SEC11A: variants seen among roughly 807,000 people sequenced by gnomAD.
SEC11A encodes SEC11 homolog A, signal peptidase complex subunit.
A neutral mutation model predicts 25.6 loss-of-function variants in SEC11A; 14 were observed. The observed-to-expected ratio is 0.55, with a 90% confidence interval of 0.36 to 0.85. The LOEUF is 0.85. SEC11A is among the 40% of genes least tolerant of loss of function. The probability of loss-of-function intolerance (pLI) is 0.01; values close to 1 mark genes in which losing one functional copy is unlikely to be tolerated. For synonymous variants in SEC11A, 83 were observed against 76.4 expected (o/e 1.09, Z -0.45); for missense variants, 153 against 222.9 (o/e 0.69, Z 2.00).
At chr15:84,698,461 A>G (rs1897828781) in intron 1 of SEC11A, among the ~76,000 whole-genome samples, 1 of 152,228 alleles carries the variant, frequency 6.6e-6, no homozygotes, top group African/African-American at 2.4e-5. Context: ...GAAGCTAGAT[A>G]TTACAGAAGG....
chr15:84,687,892 C>T (rs1270095265), intron 2 of SEC11A, 118 bp from the exon 3 acceptor site: 2 of 772,484 alleles, frequency 2.6e-6, no homozygotes, highest in Non-Finnish European at 2.0e-6. Flanking sequence ...AATACCCTAA[C>T]AACTATATCA....
In SEC11A at chr15:84,676,566, G is replaced by C. The variant is rs201521906; in HGVS notation, c.431+4147C>G. Among the ~76,000 whole-genome samples the C allele has an allele frequency of 4.5e-4, 68 of 149,472 alleles. No individual in the cohort carries two copies. The East Asian group carries it at 0.011, about 23-fold the overall frequency. Reference sequence around the variant, plus strand: ...AGGCGGGCAGATCACCTGATGTCAGGAGTTCGAGACCGCCTGGCTAACATG... The same window carrying C: ...AGGCGGGCAGATCACCTGATGTCAGCAGTTCGAGACCGCCTGGCTAACATG... On this transcript the variant is annotated intron_variant, in intron 4 of 5. Coordinates refer to ENST00000268220, the MANE Select transcript of SEC11A (RefSeq NM_014300.4).
intron 1 of SEC11A, among the ~76,000 whole-genome samples, chr15:84,702,075 G>A (rs1379045171): frequency 1.3e-5 from 2 of 150,054 alleles, no homozygotes; most frequent in Non-Finnish European, 3.0e-5. Flanking sequence ...CAATAACAAT[G>A]ATAATAATAA....
intron 1 of SEC11A, among the ~76,000 whole-genome samples, chr15:84,711,357 G>A (rs1344537146): frequency 6.6e-6 from 1 of 151,702 alleles, no homozygotes; most frequent in Non-Finnish European, 1.5e-5. Context: ...ACTCCAGCCT[G>A]GTCAACAGAG....
At chr15:84,693,398 G>A (rs1347870508) in intron 1 of SEC11A, among the ~76,000 whole-genome samples, 2 of 149,778 alleles carry the variant, frequency 1.3e-5, no homozygotes, top group East Asian at 1.9e-4. Flanking sequence ...GTGAACTGGG[G>A]AAACTCAAAA....
At position 84,708,485 on chromosome 15, in the gene SEC11A, T is replaced by A. The variant is rs995763520; in HGVS notation, c.51+7540A>T. On this transcript the variant is annotated intron_variant, in intron 1 of 5. Transcript: ENST00000268220. ...CCTATTTGCTTCACATTTATTCCTA[T>A]TAGGTCTATATCTAAGAAAAATTTC... Among the ~76,000 whole-genome samples the A allele has an allele frequency of 2.0e-5, 3 of 152,110 alleles. No homozygotes were observed. In the East Asian group the frequency reaches 5.8e-4, roughly 29 times the overall value.
intron 1 of SEC11A, among the ~76,000 whole-genome samples, chr15:84,706,663 G>C (rs1898103054): frequency 6.6e-6 from 1 of 152,192 alleles, no homozygotes; most frequent in African/African-American, 2.4e-5. Context: ...CGTAACTTTT[G>C]TTTTATCTTT....
intron 1 of SEC11A, among the ~76,000 whole-genome samples, chr15:84,702,460 C>A (rs992285001): frequency 3.3e-5 from 5 of 150,370 alleles, no homozygotes; most frequent in African/African-American, 1.2e-4. Context: ...AAGCGAAACT[C>A]CGTCTCAAAA....
rs140626284 is a variant in SEC11A at position 84,690,105 on chromosome 15, C to T, written c.161+1430G>A. Among the ~76,000 whole-genome samples, 899 of 152,250 alleles carry T rather than the reference C, an allele frequency of 5.9e-3. 4 individuals carry two copies. Among genetic ancestry groups the T allele is most frequent in the African/African-American group, 0.02 (815 of 41,542 alleles). On this transcript the variant is annotated intron_variant, in intron 2 of 5. Coordinates refer to ENST00000268220, the MANE Select transcript of SEC11A (RefSeq NM_014300.4). Reference sequence around the variant, plus strand: ...CAACACAGTGAGATCCTATCTGCTACGGTTTGGCTGTGTCCCCACCCAAAT... The same window carrying T: ...CAACACAGTGAGATCCTATCTGCTATGGTTTGGCTGTGTCCCCACCCAAAT...
intron 3 of SEC11A, among the ~76,000 whole-genome samples, chr15:84,682,238 C>T (rs1354164504): frequency 6.6e-6 from 1 of 151,994 alleles, no homozygotes; most frequent in African/African-American, 2.4e-5. Context: ...AGGTATTAGA[C>T]AAGATCTAAA....
Position 84,689,019 on chromosome 15 carries a change from G to A in SEC11A, c.162-1245C>T, listed in dbSNP as rs1436528216. On this transcript the variant is annotated intron_variant, in intron 2 of 5. Transcript: ENST00000268220. ...CACTCCAGCCTGGGCAATACAGTGAGACTCTGTCTCAAAAAAAAAAAAAAA... is the reference window on the plus strand; with the variant it reads ...CACTCCAGCCTGGGCAATACAGTGAAACTCTGTCTCAAAAAAAAAAAAAAA... Among the ~76,000 whole-genome samples the A allele has an allele frequency of 2.2e-5, 3 of 136,178 alleles. No individual in the cohort carries two copies. The East Asian group carries it at 6.2e-4, about 28-fold the overall frequency. The allele number at this position is 136,178 out of a possible 152,430, so 89.3% of individuals were successfully genotyped here.
At chr15:84,701,936 G>A (rs1051219855) in intron 1 of SEC11A, among the ~76,000 whole-genome samples, 3 of 151,690 alleles carry the variant, frequency 2.0e-5, no homozygotes, top group South Asian at 4.2e-4. Context: ...GTGTGGTGGC[G>A]TGCGGCTGTA....
In SEC11A at chr15:84,672,458, G is replaced by A. The variant is rs35270652; in HGVS notation, c.432-1676C>T. ...GTTTTCGTATTTTTTTGGTGGAGAC[G>A]GGGTTTCGCTGTGTTGGCCGGGCTG... On this transcript the variant is annotated intron_variant, in intron 4 of 5. Coordinates refer to ENST00000268220, the MANE Select transcript of SEC11A (RefSeq NM_014300.4). 987 of 161,678 alleles carry A rather than the reference G, an allele frequency of 6.1e-3. 4 individuals are homozygous for A. Among genetic ancestry groups the A allele is most frequent in the South Asian group, 0.01 (75 of 7,490 alleles). 10.0% of individuals were successfully genotyped at this position (161,678 alleles called of 1,614,324 possible). A position where few individuals can be genotyped will look rare whatever the true frequency, so the allele number is the denominator to read the frequency against.
In SEC11A at chr15:84,670,109, G is replaced by C. The variant is rs1471201508; in HGVS notation, c.490-40C>G. 7 of 1,600,676 alleles carry C rather than the reference G, an allele frequency of 4.4e-6. No homozygotes were observed. The East Asian group carries it at 1.6e-4, about 36-fold the overall frequency. The stretch of plus-strand genomic sequence containing the variant: ...CAGAACCACAAGTCAGAGAAGCGTT[G>C]AAAAGTTCAGAGGTTCTAAGAGTTA... On this transcript the variant is annotated intron_variant, in intron 5 of 5. Transcript: ENST00000268220.
At chr15:84,694,765 C>T (rs1402137330) in intron 1 of SEC11A, among the ~76,000 whole-genome samples, 1 of 151,584 alleles carries the variant, frequency 6.6e-6, no homozygotes, top group African/African-American at 2.4e-5. Context: ...GAGTTCGAGA[C>T]CAGAAAGCAA....
At chr15:84,681,496 G>C (rs763399557) in intron 3 of SEC11A, among the ~76,000 whole-genome samples, 1 of 152,176 alleles carries the variant, frequency 6.6e-6, no homozygotes, top group African/African-American at 2.4e-5. Flanking sequence ...TGGGCATGGT[G>C]GTGGGTGCCT....
intron 1 of SEC11A, among the ~76,000 whole-genome samples, chr15:84,705,877 C>T (rs1898080028): frequency 6.6e-6 from 1 of 151,736 alleles, no homozygotes; most frequent in African/African-American, 2.4e-5. Flanking sequence ...GCTTCCCATC[C>T]TTACAACTTT....
At position 84,672,429 on chromosome 15, in the gene SEC11A, A is replaced by C. The variant is rs1367206087; in HGVS notation, c.432-1647T>G. On this transcript the variant is annotated intron_variant, in intron 4 of 5. Transcript: ENST00000268220. ...TTGCAGGCGCGCGCCGCCACGCCTGACTGGTTTTCGTATTTTTTTGGTGGA... is the reference window on the plus strand; with the variant it reads ...TTGCAGGCGCGCGCCGCCACGCCTGCCTGGTTTTCGTATTTTTTTGGTGGA... 1.9e-5 allele frequency: 3 copies of C among 160,734 alleles called. No individual in the cohort carries two copies. The East Asian group carries it at 5.6e-4, about 30-fold the overall frequency. The allele number at this position is 160,734 out of a possible 1,614,324, so 10.0% of individuals were successfully genotyped here. A position where few individuals can be genotyped will look rare whatever the true frequency, so the allele number is the denominator to read the frequency against.
Position 84,670,049 on chromosome 15 carries a change from C to A in SEC11A, c.510G>T (p.Leu170=), listed in dbSNP as rs753294438. The change falls in exon 6 of 6, where the codon CTG becomes CTT. Residue 170 remains leucine, a synonymous_variant. Coordinates refer to ENST00000268220, the MANE Select transcript of SEC11A (RefSeq NM_014300.4). ...CACGATGAACCAGCACGAATAAACC[C>A]AGCAAAAAGAGAACTGCATACTAGA... ...PKFKYAVLFL[L]GLFVLVHRE 2 of 1,613,146 alleles carry A rather than the reference C, an allele frequency of 1.2e-6. No individual in the cohort carries two copies. Among genetic ancestry groups the A allele is most frequent in the South Asian group, 2.2e-5 (2 of 90,892 alleles).
Sources: gnomAD v4.1 joint callset for allele counts (sites outside exome capture counted in the v4.1 genomes callset) on GRCh38, gnomAD v4.1.1 for gene constraint, MANE v1.5 for transcripts, NCBI Gene and HGNC (gene_info 2026-07-23, HGNC 2026-07-21) for gene names.